The following NRXN3 variants were observed in gnomAD, a reference collection of about 807,000 sequenced individuals.
NRXN3 encodes the protein neurexin III.
NRXN3 carries 32 observed loss-of-function variants against 137.6 expected under a neutral mutation model. That is an observed-to-expected ratio of 0.23 (90% CI 0.18 to 0.31). The LOEUF is 0.31. NRXN3 is among the 10% of genes least tolerant of loss of function. The pLI is 1.00. For synonymous variants in NRXN3, 798 were observed against 784.5 expected, an observed-to-expected ratio of 1.02 and a Z score of -0.29; for missense variants, 1,574 against 2,062.5, an observed-to-expected ratio of 0.76 and a Z score of 4.59.
At chr14:78,324,331 A>C (rs1038542236) in intron 4 of NRXN3, among the ~76,000 whole-genome samples, 12 of 152,068 alleles carry the variant, frequency 7.9e-5, no homozygotes, top group African/African-American at 2.9e-4. Flanking sequence ...GGGTACTAGG[A>C]CATAGTGGAG....
chr14:78,887,645 T>C (rs896375642), intron 10 of NRXN3, among the ~76,000 whole-genome samples: 3 of 152,044 alleles, frequency 2.0e-5, no homozygotes, highest in Non-Finnish European at 2.9e-5. Flanking sequence ...GTCCATAAGT[T>C]TTATCAGATT....
Position 79,020,862 on chromosome 14 carries a change from TACACAC to T in NRXN3, c.3262+32750_3262+32755del, listed in dbSNP as rs3035451. Among the ~76,000 whole-genome samples, 39 of 145,200 alleles carry T rather than the reference TACACAC, an allele frequency of 2.7e-4. No homozygotes were observed. The South Asian group carries it at 2.7e-3, about 10-fold the overall frequency. On this transcript the variant is annotated intron_variant, in intron 15 of 20. Coordinates refer to ENST00000335750, the MANE Select transcript of NRXN3 (RefSeq NM_001330195.2). Reference sequence around the variant, plus strand: ...ATGCGCTCTGCCTGTGCTTGCATTTTACACACACACACACACACACACACACACACA... The same window carrying T: ...ATGCGCTCTGCCTGTGCTTGCATTTTACACACACACACACACACACACACA...
chr14:79,030,633 G>A (rs912705423), intron 15 of NRXN3, among the ~76,000 whole-genome samples: 1 of 34,262 alleles, frequency 2.9e-5, no homozygotes, highest in Admixed American at 3.2e-4. Context: ...CTTTCTCTGT[G>A]TCTTTTTTTT....
chr14:78,539,818 A>G (rs941823315), intron 4 of NRXN3, among the ~76,000 whole-genome samples: 2 of 152,126 alleles, frequency 1.3e-5, no homozygotes, highest in Non-Finnish European at 2.9e-5. Flanking sequence ...CTTTGTTATC[A>G]TTGGTTTCAA....
intron 19 of NRXN3, among the ~76,000 whole-genome samples, chr14:79,769,198 T>G (rs1282982625): frequency 6.7e-6 from 1 of 148,702 alleles, no homozygotes; most frequent in Non-Finnish European, 1.5e-5. Context: ...GAAAACACTC[T>G]GCAGGATATT....
At chr14:78,585,709 C>T (rs2152382062) in intron 4 of NRXN3, among the ~76,000 whole-genome samples, 1 of 152,184 alleles carries the variant, frequency 6.6e-6, no homozygotes, top group South Asian at 2.1e-4. Context: ...AAGGCCTGAG[C>T]ACCTGGACTG....
At chr14:79,780,400 A>G in intron 19 of NRXN3, among the ~76,000 whole-genome samples, 1 of 151,784 alleles carries the variant, frequency 6.6e-6, no homozygotes, top group East Asian at 1.9e-4. Context: ...GGAGATCGAG[A>G]CCATCCTGGC....
intron 1 of NRXN3, among the ~76,000 whole-genome samples, chr14:78,239,075 C>T (rs2066733618): frequency 6.6e-6 from 1 of 152,190 alleles, no homozygotes; most frequent in Non-Finnish European, 1.5e-5. Flanking sequence ...GTGTGGAGGC[C>T]ACTGCATGGA....
chr14:79,330,852 T>G (rs918187598), intron 15 of NRXN3, among the ~76,000 whole-genome samples: 1 of 152,226 alleles, frequency 6.6e-6, no homozygotes, highest in African/African-American at 2.4e-5. Context: ...CTAGTCACAA[T>G]GTTAGAATGA....
intron 15 of NRXN3, among the ~76,000 whole-genome samples, chr14:79,443,225 A>G (rs1244371171): frequency 6.6e-6 from 1 of 152,236 alleles, no homozygotes; most frequent in Non-Finnish European, 1.5e-5. Flanking sequence ...TATGAAATGC[A>G]TGTCTTTAGC....
intron 4 of NRXN3, among the ~76,000 whole-genome samples, chr14:78,536,351 C>T (rs919496073): frequency 1.3e-5 from 2 of 152,174 alleles, no homozygotes; most frequent in African/African-American, 4.8e-5. Context: ...GTCACATCCC[C>T]GCATCACGTT....
At chr14:79,258,670 G>C (rs1041423920) in intron 15 of NRXN3, among the ~76,000 whole-genome samples, 1 of 152,104 alleles carries the variant, frequency 6.6e-6, no homozygotes, top group Admixed American at 6.5e-5. Flanking sequence ...GTTTTATATG[G>C]AAGAGAAATA....
intron 15 of NRXN3, among the ~76,000 whole-genome samples, chr14:79,455,347 C>A (rs961682478): frequency 6.6e-6 from 1 of 152,176 alleles, no homozygotes; most frequent in African/African-American, 2.4e-5. Context: ...AGGATTTCAA[C>A]ATAGGAATTT....
chr14:79,853,456 T>G, intron 20 of NRXN3: 2 of 599,082 alleles, frequency 3.3e-6, no homozygotes, highest in Non-Finnish European at 5.0e-6. Context: ...AGATTGTCAG[T>G]GTTAGAGTTC....
At chr14:78,880,946 G>A (rs1013630672) in intron 10 of NRXN3, among the ~76,000 whole-genome samples, 1 of 152,060 alleles carries the variant, frequency 6.6e-6, no homozygotes, top group Non-Finnish European at 1.5e-5. Flanking sequence ...ATCATGGGAG[G>A]GACCCAGTGA....
chr14:79,140,048 G>T (rs368109032), intron 15 of NRXN3, among the ~76,000 whole-genome samples: 1 of 151,766 alleles, frequency 6.6e-6, no homozygotes, highest in Admixed American at 6.6e-5. Flanking sequence ...CATTTGGAAC[G>T]CTGTATTTGT....
intron 10 of NRXN3, among the ~76,000 whole-genome samples, chr14:78,950,089 A>G (rs929112372): frequency 6.6e-6 from 1 of 152,230 alleles, no homozygotes; most frequent in African/African-American, 2.4e-5. Flanking sequence ...TCTAATTTGT[A>G]TTAATCATAC....
chr14:78,854,786 T>C (rs934807987), intron 10 of NRXN3, among the ~76,000 whole-genome samples: 1 of 152,074 alleles, frequency 6.6e-6, no homozygotes, highest in East Asian at 1.9e-4. Context: ...TATAGAGATA[T>C]ATGGGCTGGG....
intron 15 of NRXN3, among the ~76,000 whole-genome samples, chr14:79,010,603 G>T (rs116410925): frequency 0.014 from 2,081 of 152,216 alleles, 49 homozygotes; most frequent in African/African-American, 0.047. Context: ...GACACAGTTA[G>T]ACATTAAAGA....
Sources: gnomAD v4.1 joint callset for allele counts (sites outside exome capture counted in the v4.1 genomes callset) on GRCh38, gnomAD v4.1.1 for gene constraint, MANE v1.5 for transcripts, NCBI Gene and HGNC (gene_info 2026-07-23, HGNC 2026-07-21) for gene names.